The following EML6 variants were observed in gnomAD, a reference collection of about 807,000 sequenced individuals.
EML6 encodes the protein EMAP like 6, also known as echinoderm microtubule-associated protein-like 6.
EML6 carries 154 observed loss-of-function variants against 240.1 expected under a neutral mutation model. That is an observed-to-expected ratio of 0.64 (90% CI 0.56 to 0.73). The LOEUF (loss-of-function observed/expected upper bound fraction) is 0.73. EML6 is among the 30% of genes least tolerant of loss of function. The probability of loss-of-function intolerance (pLI) is 0.00; values close to 1 mark genes in which losing one functional copy is unlikely to be tolerated. For missense variants in EML6, 2,964 were observed against 2,474.6 expected, an observed-to-expected ratio of 1.20 and a Z score of -4.20; for synonymous variants, 1,148 against 899.0, an observed-to-expected ratio of 1.28 and a Z score of -4.95.
intron 11 of EML6, among the ~76,000 whole-genome samples, chr2:54,858,905 G>C (rs1670528325): frequency 6.6e-6 from 1 of 152,148 alleles, no homozygotes; most frequent in African/African-American, 2.4e-5. Context: ...ATGGACTTTG[G>C]GGTTCTAGGC....
chr2:54,819,756 G>A lies in EML6; in HGVS notation c.457-638G>A, dbSNP rs551956158. ...CGCCACTGCACTCCAGCCTGGTGAC[G>A]GAGCGAGACTGTCTCAGAAAAAAAA... On this transcript the variant is annotated intron_variant, in intron 4 of 41. Coordinates refer to ENST00000356458, the MANE Select transcript of EML6 (RefSeq NM_001039753.4). Among the ~76,000 whole-genome samples, 7 of 144,034 alleles carry A rather than the reference G, an allele frequency of 4.9e-5. No homozygotes were observed. In the South Asian group the frequency reaches 6.9e-4, roughly 14 times the overall value. The allele number at this position is 144,034 out of a possible 152,430, so 94.5% of individuals were successfully genotyped here. A position where few individuals can be genotyped will look rare whatever the true frequency, so the allele number is the denominator to read the frequency against.
chr2:54,916,972 C>T (rs748267622), intron 26 of EML6, 37 bp downstream of exon 26: 2 of 1,448,476 alleles, frequency 1.4e-6, no homozygotes, highest in Non-Finnish European at 1.9e-6. Context: ...CTTGCTCAGT[C>T]TCCTTAATAA....
intron 7 of EML6, among the ~76,000 whole-genome samples, chr2:54,843,445 A>T (rs898973233): frequency 2.0e-5 from 3 of 152,040 alleles, no homozygotes; most frequent in African/African-American, 7.2e-5. Flanking sequence ...AAAACAAACA[A>T]TCCTGCTGTA....
chr2:54,923,070 T>G (rs575787735), intron 26 of EML6, among the ~76,000 whole-genome samples: 1 of 150,582 alleles, frequency 6.6e-6, no homozygotes, highest in South Asian at 2.1e-4. Flanking sequence ...GCCCCCTGAG[T>G]AGCTGAGATT....
intron 3 of EML6, among the ~76,000 whole-genome samples, chr2:54,814,685 G>T (rs907876497): frequency 1.3e-5 from 2 of 152,250 alleles, no homozygotes; most frequent in Non-Finnish European, 2.9e-5. Flanking sequence ...GGGAAATTCA[G>T]TGGATTATAG....
At chr2:54,880,862 C>T (rs578017188) in intron 17 of EML6, 47 of 152,266 alleles carry the variant, frequency 3.1e-4, no homozygotes, top group African/African-American at 9.9e-4. Flanking sequence ...TCAAAAGCAA[C>T]AGAAATGCAA....
In EML6 at chr2:54,968,196, G is replaced by A. The variant is rs1206095914; in HGVS notation, c.5666G>A (p.Cys1889Tyr). ...NADKADVNCACVTHAGLNIVT... is the reference protein window; with the variant it reads ...NADKADVNCAYVTHAGLNIVT... ...GACAAGGCTGATGTCAACTGCGCAT[G>A]TGTGACCCACGCTGGCCTGAACATT... The change falls in exon 40 of 42, where the codon TGT (cysteine) becomes TAT (tyrosine). Residue 1889 changes from cysteine to tyrosine, a missense_variant. Coordinates refer to ENST00000356458, the MANE Select transcript of EML6 (RefSeq NM_001039753.4). The A allele has an allele frequency of 6.4e-7, 1 of 1,551,738 alleles. No individual in the cohort carries two copies. The highest frequency in any genetic ancestry group is 2.4e-5 in the East Asian group (1 of 40,932).
chr2:54,875,575 A>C (rs1453779695), intron 16 of EML6, among the ~76,000 whole-genome samples: 1 of 152,244 alleles, frequency 6.6e-6, no homozygotes, highest in East Asian at 1.9e-4. Flanking sequence ...ATAACAAATA[A>C]GCACAGTTAT....
chr2:54,848,495 T>G (rs1669890813), intron 9 of EML6, among the ~76,000 whole-genome samples: 1 of 132,766 alleles, frequency 7.5e-6, no homozygotes. Context: ...CCAGATTTCT[T>G]TTTCGATGGA....
At position 54,959,075 on chromosome 2, in the gene EML6, G is replaced by A. The variant is rs1270762585; in HGVS notation, c.4696-29G>A. The A allele has an allele frequency of 1.8e-5, 27 of 1,537,430 alleles. 1 individual carries two copies. Among genetic ancestry groups the A allele is most frequent in the African/African-American group, 6.9e-5 (5 of 72,734 alleles). ...GGAGGGACCCGCTTGAGTGTGTTCC[G>A]GGTGTAGAAGATGTTGTTTTGTTTA... On this transcript the variant is annotated intron_variant, in intron 33 of 41. Coordinates refer to ENST00000356458, the MANE Select transcript of EML6 (RefSeq NM_001039753.4).
chr2:54,789,594 G>C (rs1254404799), intron 2 of EML6, among the ~76,000 whole-genome samples: 3 of 148,928 alleles, frequency 2.0e-5, no homozygotes, highest in Non-Finnish European at 4.4e-5. Context: ...GGACGTAACT[G>C]GCCCACCTGA....
intron 11 of EML6, among the ~76,000 whole-genome samples, chr2:54,858,491 A>T (rs1274018874): frequency 6.6e-6 from 1 of 152,214 alleles, no homozygotes; most frequent in Non-Finnish European, 1.5e-5. Context: ...CCAATTACTC[A>T]ATCATGAGCC....
rs1676377049 is a variant in EML6, at chr2:54,959,175, G to A, written c.4767G>A (p.Leu1589=). The A allele has an allele frequency of 1.3e-6, 2 of 1,551,574 alleles. No homozygotes were observed. Among genetic ancestry groups the A allele is most frequent in the Non-Finnish European group, 1.7e-6 (2 of 1,146,940 alleles). Reference sequence around the variant, plus strand: ...GGAAGGACCACTTCCTCATCCGGCTGGTGGCCAAGGCTCACACAGGCCCCG... The same window carrying A: ...GGAAGGACCACTTCCTCATCCGGCTAGTGGCCAAGGCTCACACAGGCCCCG... ...YVWKDHFLIR[L]VAKAHTGPVF... Residue 1589 remains leucine (L), a synonymous_variant, in exon 34 of 42, where the codon CTG becomes CTA. Coordinates refer to ENST00000356458, the MANE Select transcript of EML6 (RefSeq NM_001039753.4).
chr2:54,726,082 A>G (rs987091562), intron 2 of EML6, among the ~76,000 whole-genome samples: 1 of 152,216 alleles, frequency 6.6e-6, no homozygotes, highest in Non-Finnish European at 1.5e-5. Context: ...AGCCCTTGTC[A>G]GCTTTTATGT....
intron 2 of EML6, among the ~76,000 whole-genome samples, chr2:54,788,073 C>T (rs924340297): frequency 5.3e-5 from 8 of 152,138 alleles, no homozygotes; most frequent in South Asian, 4.1e-4. Context: ...CCCCTCCCTT[C>T]GCACGTGTTT....
chr2:54,849,218 A>G (rs1669936192), intron 9 of EML6, among the ~76,000 whole-genome samples: 1 of 152,200 alleles, frequency 6.6e-6, no homozygotes, highest in African/African-American at 2.4e-5. Context: ...GTGAAGATCA[A>G]ATCAGTGTAA....
At chr2:54,833,264 A>G (rs1572970135) in intron 7 of EML6, among the ~76,000 whole-genome samples, 1 of 152,370 alleles carries the variant, frequency 6.6e-6, no homozygotes, top group East Asian at 1.9e-4. Flanking sequence ...TCCTGTAGAC[A>G]TCTATAAGAT....
chr2:54,732,461 A>C (rs1169395373), intron 2 of EML6, among the ~76,000 whole-genome samples: 1 of 152,016 alleles, frequency 6.6e-6, no homozygotes, highest in Non-Finnish European at 1.5e-5. Context: ...GTTTTGAGTT[A>C]ATTTTTATAT....
chr2:54,764,419 T>C (rs1379408872), intron 2 of EML6, among the ~76,000 whole-genome samples: 1 of 152,098 alleles, frequency 6.6e-6, no homozygotes, highest in African/African-American at 2.4e-5. Flanking sequence ...CCCAAAGCAA[T>C]CACAAATAAA....
Sources: allele counts gnomAD v4.1 joint callset (sites outside exome capture counted in the v4.1 genomes callset), GRCh38; gene constraint gnomAD v4.1.1; transcripts MANE v1.5; gene names NCBI Gene and HGNC (gene_info 2026-07-23, HGNC 2026-07-21).